Variants in CEP128 observed in about 807,000 individuals in gnomAD.
The protein encoded by CEP128 is centrosomal protein 128.
A neutral mutation model predicts 156.7 loss-of-function variants in CEP128; 132 were observed. That is an observed-to-expected ratio of 0.84 (90% CI 0.73 to 0.97). The LOEUF is 0.97. CEP128 is among the 50% of genes least tolerant of loss of function. CEP128 has a pLI of 0.00. For synonymous variants in CEP128, 469 were observed against 448.9 expected (o/e 1.04, Z -0.57); for missense variants, 1,252 against 1,281.9 (o/e 0.98, Z 0.36).
At chr14:80,581,056 G>A (rs963647078) in intron 19 of CEP128, among the ~76,000 whole-genome samples, 2 of 152,146 alleles carry the variant, frequency 1.3e-5, no homozygotes, top group Non-Finnish European at 2.9e-5. Context: ...AGGGAAGGTC[G>A]TCAACTGAAG....
rs1277548972 is a variant in CEP128 at position 80,668,233 on chromosome 14, A to T, written c.2806+74842T>A. On this transcript the variant is annotated intron_variant, in intron 19 of 24. Transcript: ENST00000555265. ...ACACAGCTGCTATGTGAAGAGCTGG[A>T]ATTCAAACCTAGGCAGGATTCCACC... is the stretch of plus-strand genomic sequence containing the variant. Among the ~76,000 whole-genome samples, 3 of 152,212 alleles carry T rather than the reference A, an allele frequency of 2.0e-5. No homozygotes were observed. The East Asian group carries it at 5.8e-4, about 29-fold the overall frequency.
intron 19 of CEP128, among the ~76,000 whole-genome samples, chr14:80,650,646 A>G (rs1448696778): frequency 6.6e-6 from 1 of 152,120 alleles, no homozygotes; most frequent in Non-Finnish European, 1.5e-5. Flanking sequence ...GAATTTTATC[A>G]AAGGCCTTTT....
intron 13 of CEP128, among the ~76,000 whole-genome samples, chr14:80,818,437 C>G (rs1179235955): frequency 6.6e-6 from 1 of 152,238 alleles, no homozygotes; most frequent in East Asian, 1.9e-4. Context: ...ACAAGGAATA[C>G]CAAAAGAAGT....
chr14:80,932,890 A>C (rs1024980192), intron 2 of CEP128, among the ~76,000 whole-genome samples: 1 of 151,790 alleles, frequency 6.6e-6, no homozygotes, highest in Non-Finnish European at 1.5e-5. Context: ...TTGAAACCAA[A>C]TAATAATAAT....
chr14:80,947,177 T>C (rs1164124035), intron 2 of CEP128, among the ~76,000 whole-genome samples: 2 of 152,226 alleles, frequency 1.3e-5, no homozygotes, highest in African/African-American at 4.8e-5. Context: ...GAGAATGGAC[T>C]AATACAACAG....
chr14:80,644,130 G>C (rs145931640), intron 19 of CEP128, among the ~76,000 whole-genome samples: 84 of 152,238 alleles, frequency 5.5e-4, no homozygotes, highest in East Asian at 4.6e-3. Flanking sequence ...ACCACCAAAA[G>C]CTGAGACAAA....
chr14:80,743,214 T>A lies in CEP128; in HGVS notation c.2667A>T (p.Lys889Asn). The A allele has an allele frequency of 6.2e-7, 1 of 1,613,692 alleles. No homozygotes were observed. Among genetic ancestry groups the A allele is most frequent in the African/African-American group, 1.3e-5 (1 of 75,036 alleles). Reference sequence around the variant, plus strand: ...AGAGCATCAGCTGGTGTCGCAGATTTTTCTCTCTGTTTTCTCTCTCTTTCA... The same window carrying A: ...AGAGCATCAGCTGGTGTCGCAGATTATTCTCTCTGTTTTCTCTCTCTTTCA... Reference protein sequence around the residue: ...EELKERENREKNLRHQLMLCR... With the variant: ...EELKERENRENNLRHQLMLCR... The change falls in exon 19 of 25, where the codon AAA becomes AAT. Residue 889 changes from lysine (K) to asparagine (N), a missense_variant. Transcript: ENST00000555265.
At chr14:80,767,069 T>A (rs2139713521) in intron 16 of CEP128, among the ~76,000 whole-genome samples, 1 of 152,218 alleles carries the variant, frequency 6.6e-6, no homozygotes, top group South Asian at 2.1e-4. Flanking sequence ...AAAAATTGGA[T>A]CTGTCTGGAA....
intron 9 of CEP128, among the ~76,000 whole-genome samples, chr14:80,849,467 G>T (rs1001413813): frequency 6.6e-6 from 1 of 152,080 alleles, no homozygotes; most frequent in African/African-American, 2.4e-5. Flanking sequence ...ACATAAAACT[G>T]TAACTTTTTT....
chr14:80,934,974 T>C (rs948790022), intron 2 of CEP128, among the ~76,000 whole-genome samples: 13 of 152,222 alleles, frequency 8.5e-5, no homozygotes, highest in African/African-American at 3.1e-4. Flanking sequence ...CTAAGTGCTT[T>C]ATGTATGCTC....
intron 7 of CEP128, 61 bp from the exon 8 acceptor site, chr14:80,895,851 T>A: frequency 1.7e-6 from 2 of 1,145,298 alleles, no homozygotes; most frequent in Non-Finnish European, 2.4e-6. Context: ...ACAGAACGAG[T>A]GAAATGTATA....
At chr14:80,826,055 G>A (rs988128291) in intron 13 of CEP128, among the ~76,000 whole-genome samples, 3 of 144,796 alleles carry the variant, frequency 2.1e-5, no homozygotes, top group South Asian at 2.2e-4. Flanking sequence ...GCAGTGAGCC[G>A]AGATCGCACC....
intron 21 of CEP128, among the ~76,000 whole-genome samples, chr14:80,540,465 A>C (rs993993884): frequency 2.0e-5 from 3 of 152,214 alleles, no homozygotes; most frequent in Admixed American, 6.5e-5. Flanking sequence ...TGCGGGAATG[A>C]ATAGTGAAGA....
At chr14:80,941,233 C>T (rs1024990852) in intron 1 of CEP128, among the ~76,000 whole-genome samples, 1 of 152,154 alleles carries the variant, frequency 6.6e-6, no homozygotes, top group African/African-American at 2.4e-5. Context: ...GTCAGACGGT[C>T]CTCTGGAGGA....
At chr14:80,906,994 A>C (rs1331224314) in intron 4 of CEP128, among the ~76,000 whole-genome samples, 1 of 152,224 alleles carries the variant, frequency 6.6e-6, no homozygotes, top group Non-Finnish European at 1.5e-5. Flanking sequence ...CAAAATGATT[A>C]GTTGAGAAGA....
chr14:80,579,055 G>C (rs937296386), intron 20 of CEP128, among the ~76,000 whole-genome samples: 1 of 152,168 alleles, frequency 6.6e-6, no homozygotes, highest in Non-Finnish European at 1.5e-5. Context: ...GAGATTACTA[G>C]TTCCAACATT....
rs541560501 is a variant in CEP128, at chr14:80,703,847, T to C, written c.2806+39228A>G. The stretch of plus-strand genomic sequence containing the variant: ...CATGCAATTCTATCATTTTATCACA[T>C]GTACTGTGAACTCCAACAGAGTCAA... On this transcript the variant is annotated intron_variant, in intron 19 of 24. Transcript: ENST00000555265. 1.1e-3 allele frequency among the ~76,000 whole-genome samples: 167 copies of C among 152,170 alleles called. 1 individual carries two copies. Among genetic ancestry groups the C allele is most frequent in the African/African-American group, 3.8e-3 (159 of 41,568 alleles).
chr14:80,617,217 A>ATTTTTTTTT (rs1555382736), intron 19 of CEP128, among the ~76,000 whole-genome samples: 5 of 43,128 alleles, frequency 1.2e-4, no homozygotes, highest in South Asian at 8.4e-4. Flanking sequence ...TGTGAATATC[A>ATTTTTTTTT]TCTTTTTTTT....
At chr14:80,736,907 T>G (rs1017007245) in intron 19 of CEP128, among the ~76,000 whole-genome samples, 1 of 152,234 alleles carries the variant, frequency 6.6e-6, no homozygotes, top group Non-Finnish European at 1.5e-5. Flanking sequence ...TAGGAATATT[T>G]AGCCAATGTA....
Sources: allele counts gnomAD v4.1 joint callset (sites outside exome capture counted in the v4.1 genomes callset), GRCh38; gene constraint gnomAD v4.1.1; transcripts MANE v1.5; gene names NCBI Gene and HGNC (gene_info 2026-07-23, HGNC 2026-07-21).